The following SMYD3 variants were observed in gnomAD, a reference collection of about 807,000 sequenced individuals.
The protein encoded by SMYD3 is SET and MYND domain containing 3.
SMYD3 carries 36 observed loss-of-function variants against 57.7 expected under a neutral mutation model. The ratio of observed to expected loss-of-function variants is 0.62; its 90% CI spans 0.48 to 0.82. SMYD3 has a LOEUF of 0.82. SMYD3 is among the 40% of genes least tolerant of loss of function. The pLI, the probability that SMYD3 is intolerant of heterozygous loss-of-function variation, is 0.00. For synonymous variants in SMYD3, 211 were observed against 195.0 expected (o/e 1.08, Z -0.68); for missense variants, 515 against 538.8 (o/e 0.96, Z 0.44).
At chr1:246,300,371 T>A (rs1381810474) in intron 5 of SMYD3, among the ~76,000 whole-genome samples, 1 of 152,284 alleles carries the variant, frequency 6.6e-6, no homozygotes, top group Admixed American at 6.5e-5. Flanking sequence ...GGGACTTAGA[T>A]GTATTAAAGG....
intron 5 of SMYD3, among the ~76,000 whole-genome samples, chr1:245,995,330 A>G (rs777794299): frequency 9.2e-5 from 14 of 152,220 alleles, no homozygotes; most frequent in Non-Finnish European, 1.9e-4. Context: ...TGAATTCCGC[A>G]TTAATTCATT....
chr1:246,304,146 T>G (rs1050760615), intron 5 of SMYD3, among the ~76,000 whole-genome samples: 14 of 152,238 alleles, frequency 9.2e-5, no homozygotes, highest in African/African-American at 3.1e-4. Flanking sequence ...AATGAAATTA[T>G]AGTTTTATGT....
chr1:245,762,745 C>T (rs2045903820), intron 11 of SMYD3, among the ~76,000 whole-genome samples: 2 of 152,156 alleles, frequency 1.3e-5, no homozygotes, highest in Non-Finnish European at 2.9e-5. Context: ...TTTAAGAATC[C>T]CTTCGGCATT....
chr1:246,323,553 C>T (rs1273452798), intron 5 of SMYD3, among the ~76,000 whole-genome samples: 2 of 152,172 alleles, frequency 1.3e-5, no homozygotes, highest in Non-Finnish European at 2.9e-5. Context: ...ATCAGCTCAC[C>T]AGACGACGAA....
chr1:246,132,718 C>A (rs1420842026), intron 5 of SMYD3, among the ~76,000 whole-genome samples: 2 of 152,072 alleles, frequency 1.3e-5, no homozygotes, highest in Non-Finnish European at 2.9e-5. Flanking sequence ...GGAGAAAATA[C>A]TTGCAAATCA....
At chr1:246,013,020 C>G (rs980732828) in intron 5 of SMYD3, among the ~76,000 whole-genome samples, 9 of 151,224 alleles carry the variant, frequency 6.0e-5, no homozygotes, top group African/African-American at 2.2e-4. Flanking sequence ...TACATTCCCA[C>G]AAGGAAAACA....
intron 2 of SMYD3, among the ~76,000 whole-genome samples, chr1:246,348,476 T>C (rs2065764316): frequency 6.6e-6 from 1 of 152,082 alleles, no homozygotes; most frequent in East Asian, 1.9e-4. Context: ...TGGAGGCCAT[T>C]ATCCTAAGCA....
In SMYD3 at chr1:246,477,556, G is replaced by A. The variant is rs148067378; in HGVS notation, c.164+29498C>T. Among the ~76,000 whole-genome samples, 6 of 152,274 alleles carry A rather than the reference G, an allele frequency of 3.9e-5. No individual in the cohort carries two copies. In the South Asian group the frequency reaches 6.2e-4, roughly 16 times the overall value. On this transcript the variant is annotated intron_variant, in intron 1 of 11. Coordinates refer to ENST00000490107, the MANE Select transcript of SMYD3 (RefSeq NM_001167740.2). ...CACCTTTAGTGACTGTGTGACCTAC[G>A]GGCAGATTTATCTAAACTTACTATG...
At chr1:246,327,662 A>T (rs1300801184) in intron 4 of SMYD3, among the ~76,000 whole-genome samples, 6 of 152,240 alleles carry the variant, frequency 3.9e-5, no homozygotes, top group African/African-American at 1.4e-4. Flanking sequence ...ACATACAAAC[A>T]ATTATCAGTT....
At chr1:245,906,575 C>T (rs1360812822) in intron 8 of SMYD3, among the ~76,000 whole-genome samples, 1 of 152,192 alleles carries the variant, frequency 6.6e-6, no homozygotes. Context: ...CTATGGAGAA[C>T]TGTTTGGAGG....
intron 7 of SMYD3, among the ~76,000 whole-genome samples, chr1:245,921,014 G>A (rs1467136603): frequency 6.6e-6 from 1 of 152,150 alleles, no homozygotes; most frequent in Non-Finnish European, 1.5e-5. Flanking sequence ...TACAGAATAG[G>A]AGAAAATATT....
At chr1:245,881,401 G>A (rs893687775) in intron 8 of SMYD3, among the ~76,000 whole-genome samples, 1 of 152,236 alleles carries the variant, frequency 6.6e-6, no homozygotes, top group Non-Finnish European at 1.5e-5. Context: ...GTTGGAGGAA[G>A]AGAGGGCAAG....
At chr1:246,256,390 A>G (rs1423105579) in intron 5 of SMYD3, among the ~76,000 whole-genome samples, 1 of 152,172 alleles carries the variant, frequency 6.6e-6, no homozygotes, top group Non-Finnish European at 1.5e-5. Context: ...AATCCAATCA[A>G]GTTCACACTT....
chr1:245,802,093 G>A (rs1241995093), intron 10 of SMYD3, among the ~76,000 whole-genome samples: 2 of 152,192 alleles, frequency 1.3e-5, no homozygotes, highest in African/African-American at 4.8e-5. Context: ...TTAGGAATGC[G>A]TAAACAACAT....
chr1:246,461,529 T>C (rs2067797635), intron 1 of SMYD3, among the ~76,000 whole-genome samples: 1 of 152,076 alleles, frequency 6.6e-6, no homozygotes, highest in Non-Finnish European at 1.5e-5. Flanking sequence ...TCCATGTGTT[T>C]TCAAAAACAT....
chr1:245,953,295 TATCA>T, intron 5 of SMYD3: 1 of 999,072 alleles, frequency 1.0e-6, no homozygotes. Context: ...CACATTAATA[TATCA>T]ACTCCAACTA....
At chr1:245,978,829 T>C (rs763662020) in intron 5 of SMYD3, among the ~76,000 whole-genome samples, 30 of 152,118 alleles carry the variant, frequency 2.0e-4, no homozygotes, top group Non-Finnish European at 3.4e-4. Flanking sequence ...CCTCCAACAC[T>C]ACGAAGGCAA....
intron 10 of SMYD3, among the ~76,000 whole-genome samples, chr1:245,789,253 A>G (rs112658069): frequency 4.6e-5 from 7 of 152,300 alleles, no homozygotes; most frequent in African/African-American, 1.7e-4. Flanking sequence ...GCAGCTCCCT[A>G]ATGAGGCAAA....
chr1:246,233,729 A>ACG (rs1558335663), intron 5 of SMYD3, among the ~76,000 whole-genome samples: 33 of 122,748 alleles, frequency 2.7e-4, no homozygotes, highest in African/African-American at 4.7e-4. Flanking sequence ...GAGGAGAAGC[A>ACG]CTCCTCAATT....
Sources: allele counts gnomAD v4.1 joint callset (sites outside exome capture counted in the v4.1 genomes callset), GRCh38; gene constraint gnomAD v4.1.1; transcripts MANE v1.5; gene names NCBI Gene and HGNC (gene_info 2026-07-23, HGNC 2026-07-21).